The following TMEM9 variants were observed in gnomAD, a reference collection of about 807,000 sequenced individuals.
TMEM9 encodes the protein transmembrane protein 9, also known as proton-transporting V-type ATPase complex assembly regulator TMEM9.
TMEM9 carries 13 observed loss-of-function variants against 22.8 expected under a neutral mutation model. The ratio of observed to expected loss-of-function variants is 0.57; its 90% CI spans 0.37 to 0.91. The LOEUF (loss-of-function observed/expected upper bound fraction) is 0.91, where lower values mean the gene tolerates loss of function less well. TMEM9 is among the 40% of genes least tolerant of loss of function. The probability of loss-of-function intolerance (pLI) is 0.01; values close to 1 mark genes in which losing one functional copy is unlikely to be tolerated. For synonymous variants in TMEM9, 88 were observed against 93.0 expected, an observed-to-expected ratio of 0.95 and a Z score of 0.31; for missense variants, 182 against 238.1, an observed-to-expected ratio of 0.76 and a Z score of 1.55.
At chr1:201,169,743 T>C (rs1666168282) in intron 1 of TMEM9, among the ~76,000 whole-genome samples, 1 of 152,174 alleles carries the variant, frequency 6.6e-6, no homozygotes, top group Non-Finnish European at 1.5e-5. Context: ...AGAGGGAGAT[T>C]AAATATCAGA....
At chr1:201,152,876 G>T (rs748842656) in intron 1 of TMEM9, among the ~76,000 whole-genome samples, 2 of 152,200 alleles carry the variant, frequency 1.3e-5, no homozygotes, top group Non-Finnish European at 2.9e-5. Context: ...ACAAGAAATC[G>T]TGTCAGTCTA....
intron 2 of TMEM9, among the ~76,000 whole-genome samples, chr1:201,150,367 C>T (rs72751129): frequency 0.19 from 28,845 of 152,192 alleles, 2,741 homozygotes; most frequent in East Asian, 0.22. Context: ...TGATAATATA[C>T]ATTAATATCA....
chr1:201,166,524 G>A lies in TMEM9; in HGVS notation c.-37+4966C>T, dbSNP rs559610915. Among the ~76,000 whole-genome samples the A allele has an allele frequency of 9.6e-4, 146 of 151,794 alleles. 3 individuals are homozygous for A. The highest frequency in any genetic ancestry group is 3.3e-3 in the African/African-American group (135 of 41,352). On this transcript the variant is annotated intron_variant, in intron 1 of 5. Transcript: ENST00000367333. ...ACTGCAGGCACCTGCCACCATGCCC[G>A]GCTAATTTTTGTGTTTTTAGTAGAG...
chr1:201,142,906 G>A (rs1664653642), intron 4 of TMEM9, among the ~76,000 whole-genome samples: 1 of 152,254 alleles, frequency 6.6e-6, no homozygotes, highest in Non-Finnish European at 1.5e-5. Flanking sequence ...ACCACCTGGG[G>A]AGTGCAGGGC....
chr1:201,151,887 C>A (rs1415956728), intron 1 of TMEM9, 35 bp from the exon 2 acceptor site: 1 of 1,568,672 alleles, frequency 6.4e-7, no homozygotes, highest in African/African-American at 1.4e-5. Context: ...TATGCAGAGA[C>A]CCTGCCTGGG....
rs939030618 is a variant in TMEM9 at position 201,135,502 on chromosome 1, C to G, written c.*161G>C. ...ATCCCTCTTCCCTAATCAAAATAGC[C>G]AAGTACAACATTTCTAAAGTTAGGG... On this transcript the variant is annotated 3_prime_UTR_variant, in exon 5 of 5. Transcript: ENST00000367330. The G allele has an allele frequency of 5.7e-6, 4 of 698,238 alleles. No homozygotes were observed. Among genetic ancestry groups the G allele is most frequent in the Middle Eastern group, 3.5e-4 (1 of 2,894 alleles). 43.3% of individuals were successfully genotyped at this position (698,238 alleles called of 1,614,324 possible). A position where few individuals can be genotyped will look rare whatever the true frequency, so the allele number is the denominator to read the frequency against.
chr1:201,145,880 T>C (rs1475892395), intron 3 of TMEM9, among the ~76,000 whole-genome samples: 1 of 152,188 alleles, frequency 6.6e-6, no homozygotes, highest in Non-Finnish European at 1.5e-5. Context: ...GAGGGTTGCA[T>C]GGGCCTGGGA....
At chr1:201,143,750 G>A (rs1387198287) in intron 4 of TMEM9, 70 bp downstream of exon 4, 4 of 1,547,378 alleles carry the variant, frequency 2.6e-6, no homozygotes, top group South Asian at 2.3e-5. Context: ...CCTAGGTGAC[G>A]CTCCTCTGGG....
intron 1 of TMEM9, among the ~76,000 whole-genome samples, chr1:201,165,515 C>T (rs2102295928): frequency 6.6e-6 from 1 of 151,708 alleles, no homozygotes; most frequent in Admixed American, 6.6e-5. Context: ...TGACTCGCTA[C>T]AACCTCTGGC....
intron 2 of TMEM9, among the ~76,000 whole-genome samples, chr1:201,148,291 G>C (rs1445890587): frequency 1.3e-5 from 2 of 152,186 alleles, no homozygotes; most frequent in Non-Finnish European, 2.9e-5. Flanking sequence ...GCCTCAGTGG[G>C]GCCTGGGCTG....
Position 201,146,864 on chromosome 1 carries a change from A to C in TMEM9, c.159-16T>G. On this transcript the variant is annotated splice_polypyrimidine_tract_variant and intron_variant, in intron 2 of 4. Transcript: ENST00000367330. ...CAGGCAGTTGCTACAACAGAGAGAG[A>C]CAGGGCTGTCGAGGCAGGGCCACCA... is the stretch of plus-strand genomic sequence containing the variant. 2 of 1,612,878 alleles carry C rather than the reference A, an allele frequency of 1.2e-6. No individual in the cohort carries two copies. The highest frequency in any genetic ancestry group is 1.7e-6 in the Non-Finnish European group (2 of 1,178,992).
At chr1:201,140,775 C>T (rs10920129) in intron 4 of TMEM9, among the ~76,000 whole-genome samples, 32,110 of 152,084 alleles carry the variant, frequency 0.21, 3,570 homozygotes, top group Non-Finnish European at 0.24. Context: ...CAGGCCTAGG[C>T]GAACTTTCAA....
intron 4 of TMEM9, among the ~76,000 whole-genome samples, chr1:201,139,653 C>T (rs1477612621): frequency 6.6e-6 from 1 of 152,186 alleles, no homozygotes. Flanking sequence ...CTCACTCAGG[C>T]CCTTGTGCAC....
chr1:201,160,512 C>T (rs1321788695), intron 1 of TMEM9, among the ~76,000 whole-genome samples: 1 of 151,968 alleles, frequency 6.6e-6, no homozygotes, highest in East Asian at 1.9e-4. Context: ...TCGCTTGAAC[C>T]CAGGAGGCAG....
At chr1:201,140,498 G>A (rs1664429225) in intron 4 of TMEM9, among the ~76,000 whole-genome samples, 1 of 152,230 alleles carries the variant, frequency 6.6e-6, no homozygotes, top group Non-Finnish European at 1.5e-5. Flanking sequence ...CGCTTTCAAA[G>A]GGAACATGAC....
chr1:201,163,025 C>G (rs1003622718), intron 1 of TMEM9, among the ~76,000 whole-genome samples: 5 of 152,184 alleles, frequency 3.3e-5, no homozygotes, highest in African/African-American at 1.2e-4. Flanking sequence ...GTGGCTCATG[C>G]CTGTAATCTT....
intron 1 of TMEM9, among the ~76,000 whole-genome samples, chr1:201,171,327 G>C (rs904145337): frequency 8.5e-5 from 13 of 152,212 alleles, no homozygotes; most frequent in Non-Finnish European, 2.9e-5. Flanking sequence ...CTGGCCGCTG[G>C]GTCCCAGGCG....
intron 4 of TMEM9, among the ~76,000 whole-genome samples, chr1:201,140,235 C>G (rs975939207): frequency 6.6e-6 from 1 of 152,248 alleles, no homozygotes; most frequent in Non-Finnish European, 1.5e-5. Context: ...AGGGTGAGCA[C>G]TTTGAAGACC....
intron 1 of TMEM9, 45 bp from the exon 2 acceptor site, chr1:201,151,897 G>A (rs1016409009): frequency 4.2e-6 from 6 of 1,419,512 alleles, no homozygotes; most frequent in Non-Finnish European, 6.0e-6. Context: ...CCCTGCCTGG[G>A]GTTCAGGGGG....
Sources: gnomAD v4.1 joint callset for allele counts (sites outside exome capture counted in the v4.1 genomes callset) on GRCh38, gnomAD v4.1.1 for gene constraint, MANE v1.5 for transcripts, NCBI Gene and HGNC (gene_info 2026-07-23, HGNC 2026-07-21) for gene names.